Variants in ZNF292 observed in about 807,000 individuals in gnomAD.
ZNF292 encodes the protein zinc finger protein 292.
ZNF292 carries 26 observed loss-of-function variants against 217.9 expected under a neutral mutation model. The observed-to-expected ratio is 0.12, with a 90% CI of 0.09 to 0.17. ZNF292 has a LOEUF of 0.17. ZNF292 is among the 10% of genes least tolerant of loss of function. The pLI is 1.00. For synonymous variants in ZNF292, 1,257 were observed against 1,124.1 expected (o/e 1.12, Z -2.37); for missense variants, 2,904 against 3,175.2 (o/e 0.91, Z 2.05).
chr6:87,176,503 C>G (rs970950541), intron 1 of ZNF292, among the ~76,000 whole-genome samples: 4 of 152,284 alleles, frequency 2.6e-5, no homozygotes, highest in African/African-American at 9.6e-5. Context: ...TGTTTTATGG[C>G]CTGTTTCAGG....
chr6:87,172,140 A>C (rs996371269), intron 1 of ZNF292, among the ~76,000 whole-genome samples: 15 of 152,216 alleles, frequency 9.9e-5, no homozygotes, highest in African/African-American at 3.6e-4. Context: ...ATACCCTATG[A>C]GGGAAGGAAC....
At chr6:87,227,680 GTATCA>G (rs917361271) in intron 4 of ZNF292, among the ~76,000 whole-genome samples, 45 of 152,052 alleles carry the variant, frequency 3.0e-4, no homozygotes, top group African/African-American at 1.1e-3. Context: ...TATATAAACA[GTATCA>G]TATCATATTT....
At chr6:87,164,013 TGTTACAACCCTTGTTTC>T (rs1184520905) in intron 1 of ZNF292, among the ~76,000 whole-genome samples, 1 of 152,240 alleles carries the variant, frequency 6.6e-6, no homozygotes. Flanking sequence ...AATTTCAGAA[TGTTACAACCCTTGTTTC>T]GCCCACCTCG....
chr6:87,160,948 A>G (rs958684914), intron 1 of ZNF292, among the ~76,000 whole-genome samples: 7 of 152,192 alleles, frequency 4.6e-5, no homozygotes, highest in African/African-American at 1.7e-4. Context: ...TTGAACAGAA[A>G]GAAAAATAGT....
chr6:87,222,100 T>C (rs1342172071), intron 4 of ZNF292, among the ~76,000 whole-genome samples: 3 of 152,170 alleles, frequency 2.0e-5, no homozygotes, highest in African/African-American at 7.2e-5. Flanking sequence ...CCATATTAGA[T>C]CCCTTCTGTC....
At chr6:87,215,857 T>G in intron 1 of ZNF292, 46 bp from the exon 2 acceptor site, 1 of 1,487,714 alleles carries the variant, frequency 6.7e-7, no homozygotes, top group Non-Finnish European at 9.0e-7. Flanking sequence ...TCAATGTATA[T>G]TTTGATTTAC....
At chr6:87,160,794 G>A (rs567123681) in intron 1 of ZNF292, among the ~76,000 whole-genome samples, 79 of 152,140 alleles carry the variant, frequency 5.2e-4, no homozygotes, top group African/African-American at 7.2e-4. Flanking sequence ...AAATATGTGG[G>A]ATCAGGTTTT....
chr6:87,170,499 C>G (rs1223097023), intron 1 of ZNF292: 1 of 152,114 alleles, frequency 6.6e-6, no homozygotes, highest in Non-Finnish European at 1.5e-5. Flanking sequence ...ATAAATTGAT[C>G]AGTATATCCA....
In ZNF292 at chr6:87,258,442, C is replaced by T. The variant is rs367801918; in HGVS notation, c.4813C>T (p.Arg1605Cys). ...ACAAAATTTTACCAGTAACAGTTCT[C>T]GTGTTTCTGTTATAAGTGGTCCTCA... ...PSQNFTSNSS[R>C]VSVISGPQNT... Residue 1605 changes from arginine to cysteine, a missense_variant, in exon 8 of 8, where the codon CGT becomes TGT. Around this residue, in one of 15 missense-constraint regions of ZNF292, gnomAD observed 622 missense variants for 573.1 expected, o/e 1.09. Transcript: ENST00000369577. 63 of 1,613,462 alleles carry T rather than the reference C, an allele frequency of 3.9e-5. No homozygotes were observed. In the East Asian group the frequency reaches 6.9e-4, roughly 18 times the overall value.
At position 87,263,018 on chromosome 6, in the gene ZNF292, AT is replaced by A. The variant is rs1775677914; in HGVS notation, c.*1220del. 1 of 151,966 alleles carries A rather than the reference AT, an allele frequency of 6.6e-6. No individual in the cohort carries two copies. Among genetic ancestry groups the A allele is most frequent in the African/African-American group, 2.4e-5 (1 of 41,414 alleles). 9.4% of individuals were successfully genotyped at this position (151,966 alleles called of 1,614,324 possible). On this transcript the variant is annotated 3_prime_UTR_variant, in exon 8 of 8. Coordinates refer to ENST00000369577, the MANE Select transcript of ZNF292 (RefSeq NM_015021.3). ...TGTTTATAGATGTTAGATTGTACAGATTTGTCTGTATTTCTCACCATATCTA... is the reference window on the plus strand; with the variant it reads ...TGTTTATAGATGTTAGATTGTACAGATTGTCTGTATTTCTCACCATATCTA...
intron 4 of ZNF292, among the ~76,000 whole-genome samples, chr6:87,224,244 G>T (rs938191837): frequency 6.6e-6 from 1 of 151,822 alleles, no homozygotes; most frequent in African/African-American, 2.4e-5. Flanking sequence ...TTTCAGTGAG[G>T]TTCTTTTCAT....
chr6:87,258,917 A>G lies in ZNF292; in HGVS notation c.5288A>G (p.Lys1763Arg), dbSNP rs1156531849. 6.2e-7 allele frequency: 1 copy of G among 1,608,926 alleles called. No individual in the cohort carries two copies. The change falls in exon 8 of 8, where the codon AAA (lysine) becomes AGA (arginine). Residue 1763 changes from lysine to arginine, a missense_variant. Physicochemically the swap from Lys to Arg is conservative, Grantham distance 26. Coordinates refer to ENST00000369577, the MANE Select transcript of ZNF292 (RefSeq NM_015021.3). ...QNFEKTLEII[K>R]TAMNSQILEV... ...TTTGAAAAGACTCTTGAAATTATTAAAACTGCTATGAATTCTCAAATACTT... is the reference window on the plus strand; with the variant it reads ...TTTGAAAAGACTCTTGAAATTATTAGAACTGCTATGAATTCTCAAATACTT...
chr6:87,177,219 C>T (rs566087999), intron 1 of ZNF292, among the ~76,000 whole-genome samples: 5 of 151,658 alleles, frequency 3.3e-5, no homozygotes, highest in Admixed American at 2.6e-4. Flanking sequence ...CCCAGCTACT[C>T]AGGATGCTGA....
chr6:87,207,089 T>G (rs577746961), intron 1 of ZNF292, among the ~76,000 whole-genome samples: 243 of 152,296 alleles, frequency 1.6e-3, no homozygotes, highest in Non-Finnish European at 3.0e-3. Context: ...AGCTGGTACA[T>G]CTTTGATTTG....
rs78491709 is a variant in ZNF292 at position 87,193,596 on chromosome 6, A to G, written c.169-22307A>G. ...AGTTTATTCAGTGTCCCCAAGGGAA[A>G]AAACAACCTGCGCCCTTCAACTGTA... On this transcript the variant is annotated intron_variant, in intron 1 of 7. Coordinates refer to ENST00000369577, the MANE Select transcript of ZNF292 (RefSeq NM_015021.3). Among the ~76,000 whole-genome samples, 24 of 152,236 alleles carry G rather than the reference A, an allele frequency of 1.6e-4. No homozygotes were observed. In the East Asian group the frequency reaches 4.3e-3, roughly 27 times the overall value.
At chr6:87,222,204 A>G (rs989084949) in intron 4 of ZNF292, among the ~76,000 whole-genome samples, 1 of 152,028 alleles carries the variant, frequency 6.6e-6, no homozygotes, top group Non-Finnish European at 1.5e-5. Context: ...CTTCATTTTC[A>G]TATACCATAT....
intron 1 of ZNF292, among the ~76,000 whole-genome samples, chr6:87,176,765 A>T (rs1191224667): frequency 6.6e-6 from 1 of 152,154 alleles, no homozygotes; most frequent in East Asian, 1.9e-4. Flanking sequence ...TTCAGCAGTC[A>T]TCCACTCTGA....
intron 1 of ZNF292, among the ~76,000 whole-genome samples, chr6:87,202,322 T>C (rs368824659): frequency 6.6e-6 from 1 of 152,220 alleles, no homozygotes; most frequent in African/African-American, 2.4e-5. Flanking sequence ...GTGAATGTTA[T>C]CTTTTTAAAA....
chr6:87,210,570 A>G (rs891499564), intron 1 of ZNF292, among the ~76,000 whole-genome samples: 4 of 152,054 alleles, frequency 2.6e-5, no homozygotes, highest in African/African-American at 9.7e-5. Flanking sequence ...TCACGAGGTC[A>G]AGAGATCAAG....
Sources: gnomAD v4.1 joint callset for allele counts (sites outside exome capture counted in the v4.1 genomes callset) on GRCh38, gnomAD v4.1.1 for gene constraint, gnomAD v4.1.1 regional missense constraint, MANE v1.5 for transcripts, NCBI Gene and HGNC (gene_info 2026-07-23, HGNC 2026-07-21) for gene names.